EML4: variants seen among roughly 807,000 people sequenced by gnomAD.
The protein encoded by EML4 is echinoderm microtubule-associated protein-like 4.
In EML4, 72 loss-of-function variants were observed where a neutral mutation model predicts 129.0. The ratio of observed to expected loss-of-function variants is 0.56; its 90% CI spans 0.46 to 0.68. The LOEUF is 0.68. EML4 is among the 30% of genes least tolerant of loss of function. EML4 has a pLI of 0.00. For synonymous variants in EML4, 532 were observed against 405.0 expected, an observed-to-expected ratio of 1.31 and a Z score of -3.77; for missense variants, 1,363 against 1,190.6, an observed-to-expected ratio of 1.14 and a Z score of -2.13.
At chr2:42,292,377 C>A (rs115065655) in intron 11 of EML4, among the ~76,000 whole-genome samples, 4 of 152,304 alleles carry the variant, frequency 2.6e-5, no homozygotes, top group African/African-American at 9.6e-5. Flanking sequence ...CCCTGCCCAT[C>A]AGCAGGAGAA....
chr2:42,248,646 A>G (rs1317132964), intron 2 of EML4, among the ~76,000 whole-genome samples: 3 of 152,120 alleles, frequency 2.0e-5, no homozygotes. Flanking sequence ...CTTTTCACAT[A>G]ACACTAACTT....
chr2:42,238,571 ATC>A (rs1336590973), intron 1 of EML4, among the ~76,000 whole-genome samples: 1 of 152,100 alleles, frequency 6.6e-6, no homozygotes, highest in Non-Finnish European at 1.5e-5. Flanking sequence ...TGTGAGACCC[ATC>A]TCTACAAAAA....
intron 6 of EML4, among the ~76,000 whole-genome samples, chr2:42,267,716 T>C (rs1666140533): frequency 6.6e-6 from 1 of 152,108 alleles, no homozygotes. Flanking sequence ...ATCTCTGAGG[T>C]TAGGTGTGAG....
intron 1 of EML4, among the ~76,000 whole-genome samples, chr2:42,237,510 TTAA>T (rs560054425): frequency 6.6e-6 from 1 of 152,244 alleles, no homozygotes; most frequent in South Asian, 2.1e-4. Context: ...GATATGGGCT[TTAA>T]TATATGGTTC....
chr2:42,307,198 T>C (rs548725858), intron 17 of EML4, among the ~76,000 whole-genome samples: 19 of 152,212 alleles, frequency 1.2e-4, no homozygotes, highest in Non-Finnish European at 2.2e-4. Context: ...GGGAAAATTG[T>C]TCTGAAAAAC....
At chr2:42,287,282 G>T (rs1170234847) in intron 10 of EML4, among the ~76,000 whole-genome samples, 1 of 152,164 alleles carries the variant, frequency 6.6e-6, no homozygotes, top group Non-Finnish European at 1.5e-5. Flanking sequence ...CAGGAATTGG[G>T]AGAAGGACAT....
intron 7 of EML4, among the ~76,000 whole-genome samples, chr2:42,282,437 G>A (rs1050000359): frequency 2.0e-5 from 3 of 152,082 alleles, no homozygotes; most frequent in African/African-American, 7.2e-5. Flanking sequence ...GGCCCAGGCT[G>A]GAGTGCAGTG....
rs545475989 is a variant in EML4 at position 42,265,076 on chromosome 2, A to T, written c.667+345A>T. On this transcript the variant is annotated intron_variant, in intron 6 of 22. Transcript: ENST00000318522. The stretch of plus-strand genomic sequence containing the variant: ...AAAAGGAAATACAGTGATTTGAGCT[A>T]GATGAATCCAGCTACATTTTACTTT... 24 of 890,318 alleles carry T rather than the reference A, an allele frequency of 2.7e-5. No individual in the cohort carries two copies. The East Asian group carries it at 6.1e-4, about 23-fold the overall frequency. The allele number at this position is 890,318 out of a possible 1,614,324, so 55.2% of individuals were successfully genotyped here. A position where few individuals can be genotyped will look rare whatever the true frequency, so the allele number is the denominator to read the frequency against.
intron 17 of EML4, among the ~76,000 whole-genome samples, chr2:42,311,747 CAG>C (rs58544990): frequency 0.12 from 17,502 of 152,132 alleles, 1,058 homozygotes; most frequent in East Asian, 0.18. Flanking sequence ...AGAAGAATTT[CAG>C]AGGGATACTC....
chr2:42,181,535 A>G (rs992901365), intron 1 of EML4, among the ~76,000 whole-genome samples: 17 of 152,058 alleles, frequency 1.1e-4, no homozygotes, highest in Admixed American at 1.1e-3. Context: ...CCTGACCTCA[A>G]ATGACCTACC....
At chr2:42,197,256 G>GT (rs575827081) in intron 1 of EML4, among the ~76,000 whole-genome samples, 161 of 152,182 alleles carry the variant, frequency 1.1e-3, no homozygotes, top group African/African-American at 3.7e-3. Context: ...TAGAGATGGG[G>GT]TTTTGCCATA....
intron 1 of EML4, among the ~76,000 whole-genome samples, chr2:42,222,915 C>G (rs1168399832): frequency 6.6e-6 from 1 of 152,128 alleles, no homozygotes; most frequent in Non-Finnish European, 1.5e-5. Flanking sequence ...TCTCCTGCCT[C>G]AGCCTCCCAA....
chr2:42,325,515 T>C lies in EML4; in HGVS notation c.2203T>C (p.Tyr735His), dbSNP rs756658294. 1.3e-6 allele frequency: 2 copies of C among 1,576,778 alleles called. No individual in the cohort carries two copies. The highest frequency in any genetic ancestry group is 4.5e-5 in the East Asian group (2 of 44,094). Residue 735 changes from tyrosine to histidine, a missense_variant, in exon 20 of 23, where the codon TAT becomes CAT. By Grantham distance (83) the Tyr-to-His change is moderately conservative. Transcript: ENST00000318522. ...THLDWSPDNK[Y>H]IMSNSGDYEI... The stretch of plus-strand genomic sequence containing the variant: ...CCTTGACTGGTCCCCAGACAACAAG[T>C]ATATAATGTCTAACTCGGGAGACTA...
At chr2:42,200,080 C>T (rs774134935) in intron 1 of EML4, among the ~76,000 whole-genome samples, 4 of 146,276 alleles carry the variant, frequency 2.7e-5, no homozygotes, top group Non-Finnish European at 4.4e-5. Flanking sequence ...GAGGCCAAGG[C>T]GGGCAGATCG....
At chr2:42,236,074 A>G (rs1674657323) in intron 1 of EML4, among the ~76,000 whole-genome samples, 1 of 152,302 alleles carries the variant, frequency 6.6e-6, no homozygotes, top group Non-Finnish European at 1.5e-5. Context: ...CCTCTGTCAT[A>G]CAACCATCAG....
At chr2:42,304,834 A>C (rs1668501161) in intron 17 of EML4, among the ~76,000 whole-genome samples, 2 of 152,208 alleles carry the variant, frequency 1.3e-5, no homozygotes, top group Non-Finnish European at 2.9e-5. Context: ...ACAGAATAAA[A>C]AATAAGCCCT....
intron 6 of EML4, among the ~76,000 whole-genome samples, chr2:42,268,901 C>T (rs570006847): frequency 3.3e-5 from 5 of 152,066 alleles, no homozygotes; most frequent in Non-Finnish European, 7.4e-5. Flanking sequence ...ACATAATTAC[C>T]TGGTCATGTT....
intron 1 of EML4, among the ~76,000 whole-genome samples, chr2:42,197,700 C>T (rs1175079384): frequency 6.6e-6 from 1 of 151,978 alleles, no homozygotes; most frequent in Non-Finnish European, 1.5e-5. Flanking sequence ...TGAGAATGAT[C>T]ATTTATTGGC....
chr2:42,244,336 A>G (rs766267105), intron 1 of EML4, among the ~76,000 whole-genome samples: 53 of 152,144 alleles, frequency 3.5e-4, no homozygotes, highest in Non-Finnish European at 5.7e-4. Context: ...TGACCTCATG[A>G]TCTGCCCTCC....
Sources: gnomAD v4.1 joint callset for allele counts (sites outside exome capture counted in the v4.1 genomes callset) on GRCh38, gnomAD v4.1.1 for gene constraint, MANE v1.5 for transcripts, NCBI Gene and HGNC (gene_info 2026-07-23, HGNC 2026-07-21) for gene names.